The following C4orf50 variants were observed in gnomAD, a reference collection of about 807,000 sequenced individuals.
C4orf50 encodes chromosome 4 open reading frame 50.
Under a neutral mutation model 77.2 loss-of-function variants are expected in C4orf50, and 80 were observed. The ratio of observed to expected loss-of-function variants is 1.04; its 90% CI spans 0.87 to 1.25. C4orf50 has a LOEUF of 1.25. C4orf50 is among the 50% of genes most tolerant of loss of function. C4orf50 has a pLI of 0.00. For missense variants in C4orf50, 1,257 were observed against 1,152.9 expected (o/e 1.09, Z -1.31); for synonymous variants, 532 against 465.3 (o/e 1.14, Z -1.84).
intron 32 of C4orf50, among the ~76,000 whole-genome samples, chr4:5,966,657 AG>A (rs1560569586): frequency 2.1e-5 from 2 of 93,484 alleles, no homozygotes; most frequent in African/African-American, 8.4e-5. Context: ...ATATCTTAAG[AG>A]GTTTTTTTTT....
chr4:5,920,179 C>T (rs1366792309), intron 7 of C4orf50, among the ~76,000 whole-genome samples: 1 of 152,282 alleles, frequency 6.6e-6, no homozygotes, highest in Admixed American at 6.5e-5. Context: ...GCACAGATAC[C>T]GGGGATAACT....
chr4:5,974,402 G>A (rs1023293615), intron 30 of C4orf50, among the ~76,000 whole-genome samples: 3 of 150,794 alleles, frequency 2.0e-5, no homozygotes, highest in African/African-American at 7.5e-5. Flanking sequence ...CAGCTACCAC[G>A]TCTGCAGGGG....
chr4:5,989,050 G>T, exon 28 of C4orf50: 1 of 1,536,002 alleles, frequency 6.5e-7, no homozygotes, highest in Non-Finnish European at 8.7e-7. Context: ...GTCAGAGATT[G>T]CCTGTAAATA....
rs1235334062 is a variant in C4orf50 at position 6,017,884 on chromosome 4, C to T, written c.287+261G>A. On this transcript the variant is annotated intron_variant, in intron 23 of 33. Transcript: ENST00000531445. The surrounding 1 kb of genome is among the most constrained non-coding windows in gnomAD (Gnocchi z 4.7). ...AGAACACCTGGCTTCTCCCTGCCTC[C>T]CTCCGTTTCAGGGCCTCCCATTGGC... is the stretch of plus-strand genomic sequence containing the variant. 1.3e-5 allele frequency among the ~76,000 whole-genome samples: 2 copies of T among 152,310 alleles called. No homozygotes were observed. The highest frequency in any genetic ancestry group is 1.3e-4 in the Admixed American group (2 of 15,296).
In C4orf50 at chr4:6,000,013, G is replaced by A. The variant is rs951340981; in HGVS notation, c.964-5537C>T. Among the ~76,000 whole-genome samples, 6 of 152,130 alleles carry A rather than the reference G, an allele frequency of 3.9e-5. No homozygotes were observed. Among genetic ancestry groups the A allele is most frequent in the South Asian group, 2.1e-4 (1 of 4,820 alleles). ...CAGAACACCGGGGGCCTTGAATGCC[G>A]TGGATAGGAGGTTGAACTTGATCCT... On this transcript the variant is annotated intron_variant, in intron 25 of 33. Coordinates refer to ENST00000531445, the Ensembl canonical transcript of C4orf50. This position sits in a 1 kb window ranked among gnomAD's most constrained non-coding sequence, Gnocchi z 6.0.
chr4:6,002,488 C>T (rs1269816503), intron 25 of C4orf50, among the ~76,000 whole-genome samples: 1 of 152,232 alleles, frequency 6.6e-6, no homozygotes, highest in Non-Finnish European at 1.5e-5. Flanking sequence ...AAGGCCCAAC[C>T]TGCAGCCCCG....
intron 7 of C4orf50, among the ~76,000 whole-genome samples, chr4:5,945,876 C>T (rs886818555): frequency 1.3e-5 from 2 of 152,198 alleles, no homozygotes; most frequent in African/African-American, 4.8e-5. Context: ...CAGTTTCATC[C>T]ATTCTCTGGC....
chr4:5,989,392 G>C, exon 28 of C4orf50: 1 of 1,536,078 alleles, frequency 6.5e-7, no homozygotes, highest in Non-Finnish European at 8.7e-7. Flanking sequence ...GGTGCCCAGG[G>C]CCGTGGTCTT....
chr4:5,927,490 A>G (rs1042436918), intron 7 of C4orf50, among the ~76,000 whole-genome samples: 6 of 151,306 alleles, frequency 4.0e-5, no homozygotes, highest in African/African-American at 1.5e-4. Context: ...CAAATTGTAA[A>G]CCCCATGTGT....
intron 7 of C4orf50, among the ~76,000 whole-genome samples, chr4:5,913,201 A>T (rs1208974916): frequency 6.6e-6 from 1 of 152,224 alleles, no homozygotes; most frequent in Non-Finnish European, 1.5e-5. Context: ...GAGGATGACA[A>T]CGCCTACCTT....
chr4:5,944,952 G>C (rs1718418269), intron 7 of C4orf50, among the ~76,000 whole-genome samples: 1 of 152,204 alleles, frequency 6.6e-6, no homozygotes, highest in Non-Finnish European at 1.5e-5. Context: ...CACACGGAAA[G>C]AAACTGAGGC....
intron 30 of C4orf50, 129 bp downstream of exon 8, chr4:5,975,770 T>A: frequency 1.4e-6 from 1 of 696,054 alleles, no homozygotes; most frequent in Non-Finnish European, 2.6e-6. Flanking sequence ...ATTACAGGTG[T>A]GAGCCACCGT....
downstream of C4orf50, among the ~76,000 whole-genome samples, chr4:5,956,118 A>G (rs1279169324): frequency 6.6e-6 from 1 of 152,188 alleles, no homozygotes; most frequent in Non-Finnish European, 1.5e-5. Context: ...TCATTGTGGG[A>G]ACATCAGAAA....
At chr4:5,974,484 G>A (rs1720138730) in intron 30 of C4orf50, among the ~76,000 whole-genome samples, 1 of 152,142 alleles carries the variant, frequency 6.6e-6, no homozygotes. Flanking sequence ...GGAAATGTGG[G>A]GTGGAAAATA....
intron 7 of C4orf50, among the ~76,000 whole-genome samples, chr4:5,918,211 T>C (rs1717114545): frequency 6.6e-6 from 1 of 152,118 alleles, no homozygotes; most frequent in South Asian, 2.1e-4. Context: ...ATGGTGAGCT[T>C]CAGTTATCAC....
intron 7 of C4orf50, among the ~76,000 whole-genome samples, chr4:5,921,425 G>A (rs1423274869): frequency 2.6e-5 from 4 of 152,216 alleles, no homozygotes; most frequent in African/African-American, 7.2e-5. Flanking sequence ...GTCTGCATAT[G>A]TAGACGGTGG....
exon 28 of C4orf50, chr4:5,988,665 C>T (rs1354208106): frequency 1.3e-6 from 2 of 1,535,968 alleles, no homozygotes; most frequent in Non-Finnish European, 1.7e-6. Flanking sequence ...CTAGAGCGTG[C>T]ATCTTGGCTT....
At chr4:5,946,190 G>A (rs1000714405) in intron 7 of C4orf50, among the ~76,000 whole-genome samples, 1 of 152,134 alleles carries the variant, frequency 6.6e-6, no homozygotes, top group South Asian at 2.1e-4. Context: ...CCCTGAGCAG[G>A]ACACACCCTC....
chr4:5,979,686 C>T (rs1369873106), intron 29 of C4orf50, among the ~76,000 whole-genome samples: 2 of 152,208 alleles, frequency 1.3e-5, no homozygotes, highest in African/African-American at 4.8e-5. Context: ...GAACATTTTG[C>T]CCGGTTTCCC....
Sources: allele counts gnomAD v4.1 joint callset (sites outside exome capture counted in the v4.1 genomes callset), GRCh38; gene constraint gnomAD v4.1.1; non-coding constraint Gnocchi (gnomAD v3.1); transcripts MANE v1.5; gene names NCBI Gene and HGNC (gene_info 2026-07-23, HGNC 2026-07-21).